DCDC2C: variants seen among roughly 807,000 people sequenced by gnomAD.
DCDC2C encodes the protein doublecortin domain-containing protein 2C.
In DCDC2C, 44 loss-of-function variants were observed where a neutral mutation model predicts 45.0. The ratio of observed to expected loss-of-function variants is 0.98; its 90% CI spans 0.77 to 1.26. DCDC2C has a LOEUF of 1.26. Ranked by LOEUF, DCDC2C falls within the 50% of genes most tolerant of loss-of-function variation. The pLI is 0.00. For missense variants in DCDC2C, 447 were observed against 468.9 expected, an observed-to-expected ratio of 0.95 and a Z score of 0.43; for synonymous variants, 187 against 178.8, an observed-to-expected ratio of 1.05 and a Z score of -0.37.
chr2:3,799,756 C>A (rs1413095844), intron 10 of DCDC2C, among the ~76,000 whole-genome samples: 1 of 152,270 alleles, frequency 6.6e-6, no homozygotes, highest in African/African-American at 2.4e-5. Context: ...CTGGGAGAAC[C>A]ACTGCTCTCT....
intron 9 of DCDC2C, among the ~76,000 whole-genome samples, chr2:3,779,229 T>A (rs142368932): frequency 6.6e-6 from 1 of 152,358 alleles, no homozygotes; most frequent in Admixed American, 6.5e-5. Flanking sequence ...GGTGTGCAGG[T>A]GGCTGTGTGG....
At chr2:3,811,655 A>G (rs781074332) in intron 10 of DCDC2C, among the ~76,000 whole-genome samples, 6 of 152,094 alleles carry the variant, frequency 3.9e-5, no homozygotes, top group Non-Finnish European at 7.4e-5. Flanking sequence ...CTTGGCTTGT[A>G]CTGGTTTTCA....
intron 1 of DCDC2C, among the ~76,000 whole-genome samples, chr2:3,705,005 T>A (rs985900746): frequency 5.9e-5 from 9 of 152,202 alleles, no homozygotes; most frequent in African/African-American, 2.2e-4. Flanking sequence ...ACTCCTTTTG[T>A]ATAGCTTTGT....
At chr2:3,751,795 C>T (rs552972622) in intron 4 of DCDC2C, among the ~76,000 whole-genome samples, 1 of 152,354 alleles carries the variant, frequency 6.6e-6, no homozygotes, top group South Asian at 2.1e-4. Context: ...AATTCTTCCT[C>T]AGTCACATCC....
intron 4 of DCDC2C, among the ~76,000 whole-genome samples, chr2:3,744,668 T>G (rs1020456182): frequency 6.6e-6 from 1 of 152,186 alleles, no homozygotes. Flanking sequence ...CCTTTGGGGG[T>G]AGATTAAAAA....
intron 10 of DCDC2C, among the ~76,000 whole-genome samples, chr2:3,828,943 T>G (rs201092900): frequency 1.7e-4 from 22 of 127,844 alleles, no homozygotes; most frequent in African/African-American, 5.5e-4. Flanking sequence ...GTTGAAGTTA[T>G]TTTTGTTTGT....
At chr2:3,834,345 T>C (rs1672022739) in intron 10 of DCDC2C, among the ~76,000 whole-genome samples, 1 of 152,144 alleles carries the variant, frequency 6.6e-6, no homozygotes, top group African/African-American at 2.4e-5. Flanking sequence ...TGTCCCCCCA[T>C]CCACTCCCTT....
chr2:3,754,661 T>C (rs1042689105), intron 6 of DCDC2C, 27 bp downstream of exon 6: 10 of 1,542,366 alleles, frequency 6.5e-6, no homozygotes, highest in East Asian at 4.9e-5. Flanking sequence ...AACAAGTAAG[T>C]AACTTGTTTC....
intron 10 of DCDC2C, among the ~76,000 whole-genome samples, chr2:3,807,345 T>A (rs1303373222): frequency 6.6e-6 from 1 of 152,154 alleles, no homozygotes; most frequent in Non-Finnish European, 1.5e-5. Flanking sequence ...GGGCGAAGTG[T>A]GCCCAGGCAG....
chr2:3,815,363 T>A (rs1043517435), intron 10 of DCDC2C, among the ~76,000 whole-genome samples: 1 of 152,200 alleles, frequency 6.6e-6, no homozygotes, highest in African/African-American at 2.4e-5. Flanking sequence ...TCCCTCCAGC[T>A]CTTAGTCAGT....
At chr2:3,751,512 G>C (rs1023379965) in intron 4 of DCDC2C, among the ~76,000 whole-genome samples, 3 of 152,228 alleles carry the variant, frequency 2.0e-5, no homozygotes, top group Admixed American at 2.0e-4. Flanking sequence ...CCCAGGAGAA[G>C]CAGCAGCTTG....
intron 3 of DCDC2C, among the ~76,000 whole-genome samples, chr2:3,735,511 T>C (rs1668999986): frequency 6.6e-6 from 1 of 151,690 alleles, no homozygotes; most frequent in Non-Finnish European, 1.5e-5. Flanking sequence ...TTTCAGAACA[T>C]AGGAGGAGGT....
intron 10 of DCDC2C, among the ~76,000 whole-genome samples, chr2:3,806,521 G>A (rs1671247456): frequency 6.6e-6 from 1 of 150,812 alleles, no homozygotes; most frequent in African/African-American, 2.4e-5. Context: ...TCAACACGTG[G>A]GCTTGTGATG....
chr2:3,809,376 A>G (rs1671333820), intron 10 of DCDC2C, among the ~76,000 whole-genome samples: 1 of 152,290 alleles, frequency 6.6e-6, no homozygotes, highest in East Asian at 1.9e-4. Context: ...AACATGTTCT[A>G]TCTCTCTATT....
At chr2:3,772,275 C>T (rs911539661) in intron 8 of DCDC2C, among the ~76,000 whole-genome samples, 2 of 152,196 alleles carry the variant, frequency 1.3e-5, no homozygotes, top group Non-Finnish European at 2.9e-5. Context: ...TGGAAGGACA[C>T]TTCGATTTTC....
At chr2:3,768,063 C>A (rs1203454058) in intron 7 of DCDC2C, among the ~76,000 whole-genome samples, 183 bp downstream of exon 7, 14 of 151,282 alleles carry the variant, frequency 9.3e-5, no homozygotes, top group Admixed American at 9.2e-4. Flanking sequence ...AGAAAAAAAA[C>A]ATTTCACTGC....
At chr2:3,806,242 G>A (rs1486230803) in intron 10 of DCDC2C, among the ~76,000 whole-genome samples, 2 of 152,200 alleles carry the variant, frequency 1.3e-5, no homozygotes, top group African/African-American at 4.8e-5. Context: ...GCTGGCATCT[G>A]GGGTTTTGTC....
intron 3 of DCDC2C, among the ~76,000 whole-genome samples, chr2:3,729,754 C>T (rs1668806988): frequency 6.6e-6 from 1 of 152,110 alleles, no homozygotes; most frequent in Non-Finnish European, 1.5e-5. Flanking sequence ...AGGTCAGGGG[C>T]CTATCTCAGG....
Position 3,847,862 on chromosome 2 carries a change from T to G in DCDC2C, c.*679T>G, listed in dbSNP as rs1038736108. On this transcript the variant is annotated 3_prime_UTR_variant, in exon 11 of 11. Coordinates refer to ENST00000399143, the MANE Select transcript of DCDC2C (RefSeq NM_001287444.2). ...GTGTAGCACTTCCCCCTTCACTCTC[T>G]CTCTCCTGCTCTGCCATGTGAAAAA... Among the ~76,000 whole-genome samples the G allele has an allele frequency of 1.3e-5, 2 of 152,116 alleles. No homozygotes were observed. The highest frequency in any genetic ancestry group is 4.8e-5 in the African/African-American group (2 of 41,430).
Sources: gnomAD v4.1 joint callset for allele counts (sites outside exome capture counted in the v4.1 genomes callset) on GRCh38, gnomAD v4.1.1 for gene constraint, MANE v1.5 for transcripts, NCBI Gene and HGNC (gene_info 2026-07-23, HGNC 2026-07-21) for gene names.